FAAP100: variants seen among roughly 807,000 people sequenced by gnomAD.
FAAP100 encodes FA core complex associated protein 100, also known as Fanconi anemia core complex-associated protein 100.
In FAAP100, 46 loss-of-function variants were observed where a neutral mutation model predicts 65.8. That is an observed-to-expected ratio of 0.70 (90% CI 0.55 to 0.89). FAAP100 has a LOEUF of 0.89. Among genes scored for constraint, FAAP100 ranks in the 40% least tolerant of loss-of-function variants. The probability of loss-of-function intolerance (pLI) is 0.00; values close to 1 mark genes in which losing one functional copy is unlikely to be tolerated. For synonymous variants in FAAP100, 663 were observed against 555.1 expected (o/e 1.19, Z -2.73); for missense variants, 1,165 against 1,196.7 (o/e 0.97, Z 0.39).
chr17:81,542,835 G>A (rs2033165076), intron 7 of FAAP100, among the ~76,000 whole-genome samples: 1 of 152,250 alleles, frequency 6.6e-6, no homozygotes, highest in Non-Finnish European at 1.5e-5. Context: ...CCAGGGGCTG[G>A]AGCTCTGCTC....
At chr17:81,548,322 T>G in intron 4 of FAAP100, 1 of 351,902 alleles carries the variant, frequency 2.8e-6, no homozygotes, top group Non-Finnish European at 5.2e-6. Flanking sequence ...AGGGGACGTC[T>G]CCCGTGCCCC....
chr17:81,543,917 C>G (rs2033203572), intron 7 of FAAP100, 87 bp downstream of exon 7: 1 of 1,242,790 alleles, frequency 8.0e-7, no homozygotes, highest in Non-Finnish European at 1.1e-6. Context: ...GCCGCAGACC[C>G]CGTGGCCAGC....
chr17:81,550,287 T>C lies in FAAP100; in HGVS notation c.1207A>G (p.Ser403Gly), dbSNP rs762171804. The C allele has an allele frequency of 1.9e-6, 3 of 1,611,380 alleles. No homozygotes were observed. Among genetic ancestry groups the C allele is most frequent in the Admixed American group, 3.3e-5 (2 of 59,790 alleles). ...MLCPASLNIC[S>G]VVSLSASPRT... The stretch of plus-strand genomic sequence containing the variant: ...GGAGACGCGGACAGCGAGACGACAC[T>C]GCAGATGTTCAGGCTGGCTGGGCAC... The change falls in exon 3 of 9, where the codon AGT becomes GGT. Residue 403 changes from serine to glycine, a missense_variant. Transcript: ENST00000327787.
Position 81,540,635 on chromosome 17 carries a change from G to A in FAAP100, c.*184C>T, listed in dbSNP as rs1235131663. The A allele has an allele frequency of 1.3e-6, 1 of 799,344 alleles. No individual in the cohort carries two copies. The highest frequency in any genetic ancestry group is 1.8e-6 in the Non-Finnish European group (1 of 561,004). The allele number at this position is 799,344 out of a possible 1,614,324, so 49.5% of individuals were successfully genotyped here. On this transcript the variant is annotated 3_prime_UTR_variant, in exon 9 of 9. Transcript: ENST00000327787. ...AGCCCGCCTCGGTTGCTCCCAATCA[G>A]AATCTGCTTTGTGCTCCACGGCCTC...
At chr17:81,542,948 CACTCAGG>C (rs575796100) in intron 7 of FAAP100, among the ~76,000 whole-genome samples, 44 of 152,362 alleles carry the variant, frequency 2.9e-4, no homozygotes, top group African/African-American at 1.0e-3. Flanking sequence ...GTGCCCCCAG[CACTCAGG>C]ACTAGACCCC....
chr17:81,547,799 G>A (rs953801423), intron 4 of FAAP100, 121 bp from the exon 5 acceptor site: 8 of 1,265,382 alleles, frequency 6.3e-6, no homozygotes, highest in East Asian at 2.3e-5. Context: ...GGTGGGTGTG[G>A]AGCCACGCCA....
chr17:81,548,666 G>A (rs907001636), intron 4 of FAAP100, among the ~76,000 whole-genome samples: 1 of 152,018 alleles, frequency 6.6e-6, no homozygotes, highest in South Asian at 2.1e-4. Context: ...TTGAACCCAG[G>A]AAGCGAAGGT....
upstream of FAAP100, chr17:81,552,450 C>A: frequency 1.0e-6 from 1 of 996,024 alleles, no homozygotes; most frequent in Non-Finnish European, 1.3e-6. Flanking sequence ...TCGGCGGTGC[C>A]GGGGGCGGGC....
At chr17:81,541,521 C>T (rs974145562) in intron 7 of FAAP100, 126 bp from the exon 8 acceptor site, 3 of 801,166 alleles carry the variant, frequency 3.7e-6, no homozygotes, top group African/African-American at 3.4e-5. Context: ...CCCCTCCCCA[C>T]CCCAGCGCTT....
chr17:81,547,246 C>T lies in FAAP100; in HGVS notation c.1836G>A (p.Gly612=), dbSNP rs1439415204. The T allele has an allele frequency of 1.3e-6, 2 of 1,591,492 alleles. No individual in the cohort carries two copies. The highest frequency in any genetic ancestry group is 1.3e-5 in the African/African-American group (1 of 74,620). The change falls in exon 5 of 9, where the codon GGG becomes GGA. Residue 612 remains glycine (G), a synonymous_variant. Coordinates refer to ENST00000327787, the MANE Select transcript of FAAP100 (RefSeq NM_025161.6). ...CCTCAGAGTCTGAGGGGGCAAGGGC[C>T]CCGCCCACCACCTCCCTGAGACTGT... The part of the protein sequence containing the change: ...LFYSLREVVG[G]ALAPSDSEDP...
Position 81,544,039 on chromosome 17 carries a change from A to C in FAAP100, c.2392T>G (p.Cys798Gly). 1 of 1,612,722 alleles carries C rather than the reference A, an allele frequency of 6.2e-7. No individual in the cohort carries two copies. Among genetic ancestry groups the C allele is most frequent in the Non-Finnish European group, 8.5e-7 (1 of 1,179,840 alleles). Reference sequence around the variant, plus strand: ...CCGACAACGGCATGGTGCGCCCTGCAAATGTCGGCCAGAGAGGAGCTTTCC... The same window carrying C: ...CCGACAACGGCATGGTGCGCCCTGCCAATGTCGGCCAGAGAGGAGCTTTCC... ...QVESSSLADI[C>G]RAHHAVVGRM... The change falls in exon 7 of 9, where the codon TGC becomes GGC. Residue 798 changes from cysteine (C) to glycine (G), a missense_variant. Cys to Gly is a radical substitution (Grantham distance 159). Transcript: ENST00000327787.
chr17:81,545,010 A>G (rs1009519079), intron 6 of FAAP100, among the ~76,000 whole-genome samples: 27 of 152,204 alleles, frequency 1.8e-4, no homozygotes, highest in African/African-American at 6.3e-4. Flanking sequence ...TCTCTACTAA[A>G]AACACAAAAA....
upstream of FAAP100, chr17:81,552,468 G>T: frequency 7.3e-6 from 6 of 826,708 alleles, no homozygotes; most frequent in Non-Finnish European, 9.7e-6. Context: ...GGCCGGAAAG[G>T]ACGCGCTGCA....
At chr17:81,546,886 C>T in intron 5 of FAAP100, 23 bp downstream of exon 5, 2 of 1,366,114 alleles carry the variant, frequency 1.5e-6, no homozygotes, top group Non-Finnish European at 1.9e-6. Flanking sequence ...CAAGGCTGAG[C>T]AAAGCCAAGC....
intron 4 of FAAP100, 155 bp from the exon 5 acceptor site, chr17:81,547,833 G>T (rs917186443): frequency 5.1e-6 from 5 of 972,344 alleles, no homozygotes; most frequent in Non-Finnish European, 8.0e-6. Context: ...CGCCCCAGGG[G>T]CATGTTTCTC....
intron 6 of FAAP100, 124 bp downstream of exon 6, chr17:81,545,622 G>T: frequency 7.6e-7 from 1 of 1,321,032 alleles, no homozygotes; most frequent in Non-Finnish European, 1.0e-6. Flanking sequence ...AGAGTCCTCC[G>T]GGAAGCTTGG....
chr17:81,551,792 G>C (rs919618797), intron 2 of FAAP100, 136 bp downstream of exon 2: 2 of 1,379,294 alleles, frequency 1.5e-6, no homozygotes, highest in African/African-American at 3.1e-5. Flanking sequence ...CCAGATAATC[G>C]GGCAGGGATG....
chr17:81,543,996 C>G lies in FAAP100; in HGVS notation c.2427+8G>C, dbSNP rs149118751. 6.2e-7 allele frequency: 1 copy of G among 1,606,442 alleles called. No homozygotes were observed. Among genetic ancestry groups the G allele is most frequent in the Admixed American group, 1.7e-5 (1 of 59,712 alleles). ...ATCCTGGCCACCTTCCCCAGCGGGC[C>G]GACATACCTGCATGCGCCCGACAAC... On this transcript the variant is annotated splice_region_variant and intron_variant, in intron 7 of 8. Transcript: ENST00000327787.
At chr17:81,541,262 C>T (rs564258733) in intron 8 of FAAP100, 47 bp downstream of exon 8, 37 of 1,553,602 alleles carry the variant, frequency 2.4e-5, no homozygotes, top group African/African-American at 2.3e-4. Flanking sequence ...GATGGGCGCT[C>T]CTGGCTACCC....
Sources: gnomAD v4.1 joint callset for allele counts (sites outside exome capture counted in the v4.1 genomes callset) on GRCh38, gnomAD v4.1.1 for gene constraint, MANE v1.5 for transcripts, NCBI Gene and HGNC (gene_info 2026-07-23, HGNC 2026-07-21) for gene names.